The following FHOD3 variants were observed in gnomAD, a reference collection of about 807,000 sequenced individuals.
FHOD3 encodes FH1/FH2 domain-containing protein 3.
In FHOD3, 90 loss-of-function variants were observed where a neutral mutation model predicts 173.0. The ratio of observed to expected loss-of-function variants is 0.52; its 90% confidence interval spans 0.44 to 0.62. The LOEUF is 0.62. Ranked by LOEUF, FHOD3 falls within the 20% of genes least tolerant of loss-of-function variation. The probability of loss-of-function intolerance (pLI) is 0.00; values close to 1 mark genes in which losing one functional copy is unlikely to be tolerated. For synonymous variants in FHOD3, 828 were observed against 823.0 expected, an observed-to-expected ratio of 1.01 and a Z score of -0.10; for missense variants, 1,945 against 2,034.7, an observed-to-expected ratio of 0.96 and a Z score of 0.85.
chr18:36,684,605 G>A (rs1009080221), intron 15 of FHOD3, among the ~76,000 whole-genome samples: 6 of 152,090 alleles, frequency 3.9e-5, no homozygotes, highest in Admixed American at 6.5e-5. Flanking sequence ...AGAGAAGAAA[G>A]TGAACTCATT....
Position 36,407,385 on chromosome 18 carries a change from G to T in FHOD3, c.337+34641G>T, listed in dbSNP as rs535955667. ...ACCAACATGCTCCCTGCTGTCTGCC[G>T]GTGCTTGTGAGCACTAATGATGGTG... On this transcript the variant is annotated intron_variant, in intron 3 of 28. Transcript: ENST00000590592. 8.1e-4 allele frequency among the ~76,000 whole-genome samples: 123 copies of T among 152,200 alleles called. 1 individual carries two copies. The highest frequency in any genetic ancestry group is 2.9e-3 in the South Asian group (14 of 4,812).
intron 13 of FHOD3, among the ~76,000 whole-genome samples, chr18:36,655,500 C>G (rs1216047203): frequency 6.6e-6 from 1 of 152,144 alleles, no homozygotes; most frequent in African/African-American, 2.4e-5. Flanking sequence ...AAAAAAAAAG[C>G]TGCTTGCTTG....
intron 9 of FHOD3, among the ~76,000 whole-genome samples, chr18:36,618,081 A>G (rs2033377405): frequency 6.8e-6 from 1 of 147,294 alleles, no homozygotes; most frequent in Admixed American, 6.7e-5. Flanking sequence ...TGGTTTGTCT[A>G]TTTTGTTGAT....
At chr18:36,568,539 A>G (rs144427471) in intron 5 of FHOD3, among the ~76,000 whole-genome samples, 2 of 152,042 alleles carry the variant, frequency 1.3e-5, no homozygotes, top group Non-Finnish European at 2.9e-5. Context: ...CCTAAACAGC[A>G]TAGCAGTGAC....
rs78551354 is a variant in FHOD3, at chr18:36,655,384, C to T, written c.1721+1968C>T. 8.7e-3 allele frequency among the ~76,000 whole-genome samples: 1,322 copies of T among 152,172 alleles called. 18 individuals are homozygous for T. Among genetic ancestry groups the T allele is most frequent in the African/African-American group, 0.03 (1,253 of 41,498 alleles). On this transcript the variant is annotated intron_variant, in intron 13 of 28. Transcript: ENST00000590592. ...AGTTGGGGCTTTCCTGGGCCCCAGA[C>T]CCTTCCCGTTTGGTCTGCAAGCTTC...
chr18:36,377,008 C>T (rs569228289), intron 3 of FHOD3, among the ~76,000 whole-genome samples: 1 of 152,342 alleles, frequency 6.6e-6, no homozygotes, highest in Admixed American at 6.5e-5. Context: ...CCCTCTTACA[C>T]TGGTGGTGAT....
At chr18:36,331,025 G>A (rs950751959) in intron 1 of FHOD3, among the ~76,000 whole-genome samples, 8 of 152,256 alleles carry the variant, frequency 5.3e-5, no homozygotes, top group Non-Finnish European at 7.4e-5. Context: ...TCTGATGATA[G>A]CCAGATCCCA....
intron 3 of FHOD3, among the ~76,000 whole-genome samples, chr18:36,406,377 A>T (rs1321587367): frequency 6.6e-6 from 1 of 152,148 alleles, no homozygotes; most frequent in Non-Finnish European, 1.5e-5. Context: ...GCTAGATTTT[A>T]TACCTTGTAA....
At chr18:36,693,946 G>A (rs975230275) in intron 17 of FHOD3, among the ~76,000 whole-genome samples, 2 of 152,138 alleles carry the variant, frequency 1.3e-5, no homozygotes, top group Admixed American at 6.5e-5. Flanking sequence ...TTGGATGTGG[G>A]TGTGTGTGTG....
intron 17 of FHOD3, among the ~76,000 whole-genome samples, chr18:36,704,737 ATCGTGAGGGCT>A (rs1242258002): frequency 1.3e-5 from 2 of 152,018 alleles, no homozygotes; most frequent in Non-Finnish European, 2.9e-5. Context: ...CCATAGAGAG[ATCGTGAGGGCT>A]TCGGAAGGCA....
chr18:36,596,445 A>T (rs112712036), intron 7 of FHOD3, among the ~76,000 whole-genome samples: 2 of 149,748 alleles, frequency 1.3e-5, no homozygotes, highest in Non-Finnish European at 3.0e-5. Context: ...GGCCTCCCAA[A>T]GTGCTGGGAT....
At position 36,604,549 on chromosome 18, in the gene FHOD3, G is replaced by T. The variant is rs542538209; in HGVS notation, c.813+1781G>T. 2.0e-5 allele frequency among the ~76,000 whole-genome samples: 3 copies of T among 152,220 alleles called. No individual in the cohort carries two copies. The South Asian group carries it at 6.2e-4, about 32-fold the overall frequency. ...GTGGGGACGGGTTAGGTACTGATTG[G>T]AGAGGTGTTGTTAAATGGAAGTAAA... On this transcript the variant is annotated intron_variant, in intron 8 of 28. Coordinates refer to ENST00000590592, the MANE Select transcript of FHOD3 (RefSeq NM_001281740.3).
chr18:36,465,210 TCCAG>T (rs1242918454), intron 3 of FHOD3, among the ~76,000 whole-genome samples: 36 of 151,944 alleles, frequency 2.4e-4, no homozygotes, highest in Non-Finnish European at 7.4e-5. Context: ...CACCTGTAAT[TCCAG>T]CTACTCAGGA....
chr18:36,583,664 T>C (rs2058931054), intron 6 of FHOD3, among the ~76,000 whole-genome samples: 1 of 152,200 alleles, frequency 6.6e-6, no homozygotes, highest in African/African-American at 2.4e-5. Context: ...CCCAGCTTCT[T>C]TGTGAGTGCC....
At chr18:36,629,358 A>C (rs1171065635) in intron 10 of FHOD3, among the ~76,000 whole-genome samples, 1 of 152,206 alleles carries the variant, frequency 6.6e-6, no homozygotes, top group Admixed American at 6.5e-5. Context: ...TGAATTTTAC[A>C]TGTCATGAAA....
chr18:36,470,517 T>C (rs959436484), intron 3 of FHOD3, among the ~76,000 whole-genome samples: 1 of 152,236 alleles, frequency 6.6e-6, no homozygotes, highest in Non-Finnish European at 1.5e-5. Flanking sequence ...TTCTCCCTAA[T>C]AGGACTTTCT....
At position 36,579,131 on chromosome 18, in the gene FHOD3, T is replaced by G. The variant is rs527269148; in HGVS notation, c.606+2586T>G. 3.9e-5 allele frequency among the ~76,000 whole-genome samples: 6 copies of G among 152,264 alleles called. No homozygotes were observed. The South Asian group carries it at 1.2e-3, about 32-fold the overall frequency. On this transcript the variant is annotated intron_variant, in intron 6 of 28. Coordinates refer to ENST00000590592, the MANE Select transcript of FHOD3 (RefSeq NM_001281740.3). ...TTTTCTCCTTTTTCCTTGCTTGTGC[T>G]GGGAAGCCTCCCTAACTTTCATGTT...
chr18:36,592,464 C>G (rs1195276225), intron 6 of FHOD3, among the ~76,000 whole-genome samples: 3 of 152,162 alleles, frequency 2.0e-5, no homozygotes, highest in African/African-American at 7.2e-5. Context: ...GTGAAGTGCA[C>G]TGGGCCGGAG....
At chr18:36,489,926 G>C (rs570399230) in intron 3 of FHOD3, among the ~76,000 whole-genome samples, 1 of 152,302 alleles carries the variant, frequency 6.6e-6, no homozygotes, top group South Asian at 2.1e-4. Context: ...CCCTGAGATA[G>C]AGACTGAAGA....
Sources: allele counts gnomAD v4.1 joint callset (sites outside exome capture counted in the v4.1 genomes callset), GRCh38; gene constraint gnomAD v4.1.1; transcripts MANE v1.5; gene names NCBI Gene and HGNC (gene_info 2026-07-23, HGNC 2026-07-21).